Variants in PARVA observed in about 807,000 individuals in gnomAD.
PARVA encodes the protein alpha-parvin.
Under a neutral mutation model 52.6 loss-of-function variants are expected in PARVA, and 25 were observed. The ratio of observed to expected loss-of-function variants is 0.48; its 90% CI spans 0.35 to 0.66. The LOEUF is 0.66. Among genes scored for constraint, PARVA ranks in the 30% least tolerant of loss-of-function variants. The pLI is 0.01. For synonymous variants in PARVA, 185 were observed against 179.1 expected, an observed-to-expected ratio of 1.03 and a Z score of -0.26; for missense variants, 373 against 450.9, an observed-to-expected ratio of 0.83 and a Z score of 1.56.
chr11:12,520,123 G>A (rs1941619311), intron 12 of PARVA, among the ~76,000 whole-genome samples: 1 of 152,158 alleles, frequency 6.6e-6, no homozygotes. Context: ...CAATCTATGG[G>A]AATATTTTGG....
At chr11:12,387,746 G>A (rs1452193467) in intron 1 of PARVA, among the ~76,000 whole-genome samples, 5 of 149,932 alleles carry the variant, frequency 3.3e-5, no homozygotes, top group South Asian at 2.2e-4. Context: ...GAGGCCCATC[G>A]GTTGGGGGGT....
chr11:12,449,139 T>G (rs2135012350), intron 1 of PARVA, among the ~76,000 whole-genome samples: 1 of 151,878 alleles, frequency 6.6e-6, no homozygotes, highest in East Asian at 1.9e-4. Context: ...TATTTATTTA[T>G]TTATTTATTT....
At position 12,436,368 on chromosome 11, in the gene PARVA, C is replaced by T. The variant is rs115143476; in HGVS notation, c.137-37377C>T. ...AGAACTGGTTGCTGGTCTCAGACTA[C>T]GGAAACTACACACAACACAATTAGA... is the stretch of plus-strand genomic sequence containing the variant. On this transcript the variant is annotated intron_variant, in intron 1 of 12. Transcript: ENST00000334956. Among the ~76,000 whole-genome samples the T allele has an allele frequency of 1.5e-3, 232 of 152,216 alleles. 2 individuals carry two copies. Among genetic ancestry groups the T allele is most frequent in the African/African-American group, 5.1e-3 (211 of 41,520 alleles).
chr11:12,449,934 A>G (rs1023002141), intron 1 of PARVA, among the ~76,000 whole-genome samples: 2 of 152,256 alleles, frequency 1.3e-5, no homozygotes, highest in Non-Finnish European at 2.9e-5. Context: ...TTCTTGCAAA[A>G]TAATAATCAC....
chr11:12,377,322 C>A, upstream of PARVA: 1 of 918,046 alleles, frequency 1.1e-6, no homozygotes, highest in Non-Finnish European at 1.5e-6. Context: ...GTAAATGAAG[C>A]TTTCCGGCTC....
At chr11:12,395,952 A>G (rs1029623223) in intron 1 of PARVA, among the ~76,000 whole-genome samples, 1 of 152,258 alleles carries the variant, frequency 6.6e-6, no homozygotes, top group African/African-American at 2.4e-5. Flanking sequence ...AGGTTGAAAA[A>G]GAAAGATTAT....
chr11:12,414,059 C>T (rs1243255344), intron 1 of PARVA, among the ~76,000 whole-genome samples: 9 of 152,164 alleles, frequency 5.9e-5, no homozygotes, highest in Admixed American at 3.3e-4. Context: ...GGCAGCCGTG[C>T]GTGGCACATC....
chr11:12,507,839 C>A (rs1022227115), intron 6 of PARVA, among the ~76,000 whole-genome samples: 1 of 152,084 alleles, frequency 6.6e-6, no homozygotes, highest in Non-Finnish European at 1.5e-5. Flanking sequence ...GACTTTAGCT[C>A]CTCAAGGGCA....
chr11:12,397,034 G>A (rs116625221), intron 1 of PARVA, among the ~76,000 whole-genome samples: 290 of 151,280 alleles, frequency 1.9e-3, no homozygotes, highest in African/African-American at 6.7e-3. Flanking sequence ...AGTGTTCAGC[G>A]GTTTATTCTT....
At chr11:12,525,990 G>A (rs935389207) in intron 12 of PARVA, among the ~76,000 whole-genome samples, 2 of 152,152 alleles carry the variant, frequency 1.3e-5, no homozygotes, top group Non-Finnish European at 2.9e-5. Flanking sequence ...AGCATGCCAG[G>A]CTGTGGCAGT....
intron 1 of PARVA, among the ~76,000 whole-genome samples, chr11:12,380,435 C>T (rs566707141): frequency 1.2e-4 from 18 of 150,754 alleles, no homozygotes; most frequent in South Asian, 6.3e-4. Context: ...AGCTACTGTC[C>T]GAAATATGCA....
At chr11:12,476,020 G>A (rs954786724) in intron 3 of PARVA, among the ~76,000 whole-genome samples, 13 of 152,230 alleles carry the variant, frequency 8.5e-5, no homozygotes, top group Non-Finnish European at 1.9e-4. Context: ...CTAGCCCTGG[G>A]CTTGCTCCTA....
chr11:12,386,702 T>G (rs1446487206), intron 1 of PARVA, among the ~76,000 whole-genome samples: 1 of 152,236 alleles, frequency 6.6e-6, no homozygotes, highest in Non-Finnish European at 1.5e-5. Flanking sequence ...TCTCTTCCCC[T>G]TTTGGTGTTA....
chr11:12,387,327 G>C (rs1448703691), intron 1 of PARVA, among the ~76,000 whole-genome samples: 1 of 152,138 alleles, frequency 6.6e-6, no homozygotes, highest in East Asian at 1.9e-4. Flanking sequence ...TTTCTTTTCT[G>C]TTTTTTCTGC....
intron 1 of PARVA, among the ~76,000 whole-genome samples, chr11:12,433,056 A>G (rs1267405705): frequency 1.3e-5 from 2 of 152,266 alleles, no homozygotes; most frequent in African/African-American, 4.8e-5. Context: ...AGGAAAAGCT[A>G]GAGTTCTTAA....
intron 1 of PARVA, among the ~76,000 whole-genome samples, chr11:12,441,963 A>C (rs1164808702): frequency 2.0e-5 from 3 of 152,250 alleles, no homozygotes; most frequent in Non-Finnish European, 4.4e-5. Flanking sequence ...TGAAGGGAGA[A>C]GCTTGCTTTG....
intron 1 of PARVA, among the ~76,000 whole-genome samples, chr11:12,395,535 C>A (rs1040037591): frequency 2.0e-5 from 3 of 152,216 alleles, no homozygotes; most frequent in Non-Finnish European, 4.4e-5. Context: ...AAAGTCTGGG[C>A]TCTGCCCTGG....
chr11:12,520,819 G>A (rs1019660755), intron 12 of PARVA, among the ~76,000 whole-genome samples: 1 of 151,962 alleles, frequency 6.6e-6, no homozygotes, highest in Non-Finnish European at 1.5e-5. Context: ...AGGTGTAGTG[G>A]TGCATGCCTG....
At chr11:12,405,478 C>T (rs1410473822) in intron 1 of PARVA, among the ~76,000 whole-genome samples, 1 of 151,946 alleles carries the variant, frequency 6.6e-6, no homozygotes, top group Non-Finnish European at 1.5e-5. Context: ...GCGGGAGGAT[C>T]ACTTGGGCCC....
Sources: gnomAD v4.1 joint callset for allele counts (sites outside exome capture counted in the v4.1 genomes callset) on GRCh38, gnomAD v4.1.1 for gene constraint, MANE v1.5 for transcripts, NCBI Gene and HGNC (gene_info 2026-07-23, HGNC 2026-07-21) for gene names.